Variants in BAHD1 observed in about 807,000 individuals in gnomAD.
BAHD1 encodes the protein bromo adjacent homology domain containing 1.
In BAHD1, 20 loss-of-function variants were observed where a neutral mutation model predicts 63.1. The ratio of observed to expected loss-of-function variants is 0.32; its 90% confidence interval spans 0.22 to 0.46. The LOEUF (loss-of-function observed/expected upper bound fraction) is 0.46. Among genes scored for constraint, BAHD1 ranks in the 20% least tolerant of loss-of-function variants. The probability of loss-of-function intolerance (pLI) is 1.00; values close to 1 mark genes in which losing one functional copy is unlikely to be tolerated. For missense variants in BAHD1, 939 were observed against 1,071.8 expected, an observed-to-expected ratio of 0.88 and a Z score of 1.73; for synonymous variants, 408 against 426.8, an observed-to-expected ratio of 0.96 and a Z score of 0.54.
chr15:40,465,928 T>C lies in BAHD1; in HGVS notation c.2154-13T>C, dbSNP rs757594747. The stretch of plus-strand genomic sequence containing the variant: ...TGGCTGGAGTAAAGACAGTGAATGG[T>C]ATCTCTCTACAGGTTCTGTGCCATG... On this transcript the variant is annotated splice_polypyrimidine_tract_variant and intron_variant, in intron 6 of 6. Transcript: ENST00000416165. 1.4e-5 allele frequency: 21 copies of C among 1,552,082 alleles called. No homozygotes were observed. The South Asian group carries it at 2.2e-4, about 16-fold the overall frequency.
In BAHD1 at chr15:40,466,407, T is replaced by G; in HGVS notation, c.*277T>G. On this transcript the variant is annotated 3_prime_UTR_variant, in exon 7 of 7. Transcript: ENST00000416165. The stretch of plus-strand genomic sequence containing the variant: ...GAGATTTCCGAAAAGTAGTCTTCTC[T>G]GAGGCTGGGCCAAGCCTGAGGGAAA... The G allele has an allele frequency of 5.7e-6, 1 of 174,150 alleles. No individual in the cohort carries two copies. Among genetic ancestry groups the G allele is most frequent in the Non-Finnish European group, 1.0e-5 (1 of 98,208 alleles). 10.8% of individuals were successfully genotyped at this position (174,150 alleles called of 1,614,324 possible).
intron 1 of BAHD1, chr15:40,443,166 G>A (rs779007831): frequency 5.6e-5 from 39 of 690,636 alleles, no homozygotes; most frequent in South Asian, 6.5e-5. Context: ...GTTAGAAGCC[G>A]CTCTCAACTG....
chr15:40,439,913 T>C (rs1299339401), upstream of BAHD1: 1 of 152,272 alleles, frequency 6.6e-6, no homozygotes, highest in Non-Finnish European at 1.5e-5. Flanking sequence ...GGAGGGCACG[T>C]CTGTGGGGGT....
chr15:40,465,151 C>T (rs1894165279), intron 5 of BAHD1, 184 bp from the exon 6 acceptor site: 4 of 605,678 alleles, frequency 6.6e-6, no homozygotes, highest in Non-Finnish European at 1.2e-5. Flanking sequence ...AGGGGGGGAC[C>T]TAGAAGGGAC....
At chr15:40,438,211 G>A (rs1273015946), upstream of BAHD1, among the ~76,000 whole-genome samples, 1 of 152,196 alleles carries the variant, frequency 6.6e-6, no homozygotes, top group Non-Finnish European at 1.5e-5. Context: ...ACCGAAGGAA[G>A]GAGGAAGAGG....
chr15:40,444,594 C>T (rs1252054888), intron 1 of BAHD1, among the ~76,000 whole-genome samples: 2 of 152,166 alleles, frequency 1.3e-5, no homozygotes, highest in Admixed American at 6.5e-5. Context: ...AAGAAAAATA[C>T]TCCTGGGTCT....
chr15:40,438,947 A>G (rs975831411), upstream of BAHD1, among the ~76,000 whole-genome samples: 7 of 152,044 alleles, frequency 4.6e-5, no homozygotes, highest in Admixed American at 3.3e-4. Context: ...CCACTGCTGT[A>G]CCCTCCACCA....
intron 4 of BAHD1, 82 bp from the exon 5 acceptor site, chr15:40,464,389 C>G: frequency 2.4e-6 from 3 of 1,267,182 alleles, no homozygotes; most frequent in Non-Finnish European, 3.4e-6. Context: ...GATGAACCTC[C>G]AGGGCAGCCA....
In BAHD1 at chr15:40,459,411, T is replaced by A. The variant is rs1265974298; in HGVS notation, c.947T>A (p.Leu316Gln). Reference protein sequence around the residue: ...SPLGLRPHLPLLMGGQAALKP... With the variant: ...SPLGLRPHLPQLMGGQAALKP... Reference sequence around the variant, plus strand: ...TTGGGGCTGCGCCCTCACCTGCCCCTGCTGATGGGTGGACAGGCGGCTCTG... The same window carrying A: ...TTGGGGCTGCGCCCTCACCTGCCCCAGCTGATGGGTGGACAGGCGGCTCTG... Residue 316 changes from leucine (L) to glutamine (Q), a missense_variant, in exon 2 of 7, where the codon CTG (leucine) becomes CAG (glutamine). Coordinates refer to ENST00000416165, the MANE Select transcript of BAHD1 (RefSeq NM_014952.5). 1 of 1,613,026 alleles carries A rather than the reference T, an allele frequency of 6.2e-7. No individual in the cohort carries two copies.
At chr15:40,450,378 G>C (rs1356816791) in intron 1 of BAHD1, among the ~76,000 whole-genome samples, 1 of 152,182 alleles carries the variant, frequency 6.6e-6, no homozygotes, top group Non-Finnish European at 1.5e-5. Flanking sequence ...TTTCTGTTCA[G>C]GACTAGAGCT....
chr15:40,452,403 T>G (rs1893732384), intron 1 of BAHD1, among the ~76,000 whole-genome samples: 1 of 152,254 alleles, frequency 6.6e-6, no homozygotes, highest in Non-Finnish European at 1.5e-5. Context: ...ACGCACACCT[T>G]CTGACCTCAC....
Position 40,458,354 on chromosome 15 carries a change from T to C in BAHD1, c.-14-97T>C. On this transcript the variant is annotated intron_variant, in intron 1 of 6. Transcript: ENST00000416165. The surrounding 1 kb of genome is among the most constrained non-coding windows in gnomAD (Gnocchi z 4.7). ...GAGACAGGGTAGTTGTAGGCCAGGA[T>C]CACTGCACCTGGGGCTGGGTAGGCT... 2 of 1,453,488 alleles carry C rather than the reference T, an allele frequency of 1.4e-6. No individual in the cohort carries two copies. Among genetic ancestry groups the C allele is most frequent in the South Asian group, 2.8e-5 (2 of 72,158 alleles). 90.0% of individuals were successfully genotyped at this position (1,453,488 alleles called of 1,614,324 possible). A position where few individuals can be genotyped will look rare whatever the true frequency, so the allele number is the denominator to read the frequency against.
intron 1 of BAHD1, among the ~76,000 whole-genome samples, chr15:40,455,184 C>T (rs968890166): frequency 6.6e-6 from 1 of 152,128 alleles, no homozygotes; most frequent in Non-Finnish European, 1.5e-5. Context: ...TAGCGAGTGA[C>T]AGGGGATTTG....
At position 40,463,980 on chromosome 15, in the gene BAHD1, T is replaced by C. The variant is rs1352803216; in HGVS notation, c.1935T>C (p.Tyr645=). ...GCCCACGAAAGACCTCCACACCTTATGTGGCCAAGATCTCTGCCCTCTGGG... is the reference window on the plus strand; with the variant it reads ...GCCCACGAAAGACCTCCACACCTTACGTGGCCAAGATCTCTGCCCTCTGGG... ...KSGPRKTSTP[Y]VAKISALWEN... is the part of the protein sequence containing the mutation. The change falls in exon 4 of 7, where the codon TAT becomes TAC. Residue 645 remains tyrosine (Y), a synonymous_variant. Transcript: ENST00000416165. The C allele has an allele frequency of 6.2e-7, 1 of 1,614,238 alleles. No individual in the cohort carries two copies. The highest frequency in any genetic ancestry group is 8.5e-7 in the Non-Finnish European group (1 of 1,180,046).
upstream of BAHD1, among the ~76,000 whole-genome samples, chr15:40,440,735 C>A (rs927479094): frequency 2.0e-5 from 3 of 152,144 alleles, no homozygotes; most frequent in African/African-American, 7.2e-5. Context: ...ACTCCCCGCA[C>A]CGCCTCCCCC....
At chr15:40,441,738 A>G (rs1011770702) in intron 1 of BAHD1, among the ~76,000 whole-genome samples, 1 of 147,676 alleles carries the variant, frequency 6.8e-6, no homozygotes, top group Non-Finnish European at 1.5e-5. Flanking sequence ...CCCCTCCCCC[A>G]TCGCGGTCCC....
intron 1 of BAHD1, chr15:40,453,767 T>C (rs930302573): frequency 2.6e-5 from 4 of 152,058 alleles, no homozygotes; most frequent in African/African-American, 9.7e-5. Flanking sequence ...CTGGACAACA[T>C]AGTGAGGCCC....
At chr15:40,444,972 AT>A (rs1893495866) in intron 1 of BAHD1, among the ~76,000 whole-genome samples, 1 of 151,884 alleles carries the variant, frequency 6.6e-6, no homozygotes, top group Non-Finnish European at 1.5e-5. Flanking sequence ...TAAAAAAAAA[AT>A]CCCTACTACT....
chr15:40,444,907 C>A (rs1052953643), intron 1 of BAHD1, among the ~76,000 whole-genome samples: 1 of 152,008 alleles, frequency 6.6e-6, no homozygotes, highest in East Asian at 1.9e-4. Flanking sequence ...CCCTTCTACG[C>A]GGGAAGGCCA....
Sources: gnomAD v4.1 joint callset for allele counts (sites outside exome capture counted in the v4.1 genomes callset) on GRCh38, gnomAD v4.1.1 for gene constraint, Gnocchi (gnomAD v3.1) non-coding constraint, MANE v1.5 for transcripts, NCBI Gene and HGNC (gene_info 2026-07-23, HGNC 2026-07-21) for gene names.